Variants in LRIT3 observed in about 807,000 individuals in gnomAD.
The protein encoded by LRIT3 is leucine-rich repeat, immunoglobulin-like domain and transmembrane domain-containing protein 3.
A neutral mutation model predicts 22.6 loss-of-function variants in LRIT3; 14 were observed. The ratio of observed to expected loss-of-function variants is 0.62; its 90% CI spans 0.41 to 0.97. The LOEUF (loss-of-function observed/expected upper bound fraction) is 0.97, where lower values mean the gene tolerates loss of function less well. Among genes scored for constraint, LRIT3 ranks in the 50% least tolerant of loss-of-function variants. LRIT3 has a pLI of 0.00. For missense variants in LRIT3, 783 were observed against 803.0 expected (o/e 0.98, Z 0.30); for synonymous variants, 306 against 304.5 (o/e 1.01, Z -0.05).
intron 2 of LRIT3, among the ~76,000 whole-genome samples, chr4:109,864,335 G>A (rs1734627247): frequency 6.6e-6 from 1 of 152,002 alleles, no homozygotes; most frequent in Non-Finnish European, 1.5e-5. Flanking sequence ...TGCCCTAGAG[G>A]ACACTTGCCA....
chr4:109,870,235 A>T lies in LRIT3; in HGVS notation c.1486A>T (p.Thr496Ser). 1 of 1,614,228 alleles carries T rather than the reference A, an allele frequency of 6.2e-7. No individual in the cohort carries two copies. Among genetic ancestry groups the T allele is most frequent in the East Asian group, 2.2e-5 (1 of 44,882 alleles). The change falls in exon 4 of 4, where the codon ACT (threonine) becomes TCT (serine). Residue 496 changes from threonine to serine, a missense_variant. Physicochemically the swap from Thr to Ser is moderately conservative, Grantham distance 58. Coordinates refer to ENST00000594814, the MANE Select transcript of LRIT3 (RefSeq NM_198506.5). ...AGAAAACCTCAGGGTGGTCAGTGAGACTAAAGAGAGTGTGACATTGACGTG... is the reference window on the plus strand; with the variant it reads ...AGAAAACCTCAGGGTGGTCAGTGAGTCTAAAGAGAGTGTGACATTGACGTG... The part of the protein sequence containing the change: ...AIENLRVVSE[T>S]KESVTLTWNM...
In LRIT3 at chr4:109,870,425, T is replaced by C. The variant is rs149836249; in HGVS notation, c.1676T>C (p.Val559Ala). The change falls in exon 4 of 4, where the codon GTG becomes GCG. Residue 559 changes from valine to alanine, a missense_variant. Physicochemically the swap from Val to Ala is moderately conservative, Grantham distance 64. Coordinates refer to ENST00000594814, the MANE Select transcript of LRIT3 (RefSeq NM_198506.5). ...ATGGCCTGTGTCTGTCCAAAAGGAG[T>C]GCCTCCCCAGAAAGACCAATGCATC... ...QYMACVCPKG[V>A]PPQKDQCITF... is the part of the protein sequence containing the mutation. 260 of 1,613,876 alleles carry C rather than the reference T, an allele frequency of 1.6e-4. 1 individual carries two copies. Among genetic ancestry groups the C allele is most frequent in the Non-Finnish European group, 6.4e-5 (75 of 1,180,008 alleles).
chr4:109,871,944 G>C lies in LRIT3; in HGVS notation c.*1155G>C, dbSNP rs1214674799. 6.6e-6 allele frequency: 1 copy of C among 152,170 alleles called. No homozygotes were observed. The highest frequency in any genetic ancestry group is 1.5e-5 in the Non-Finnish European group (1 of 68,032). The allele number at this position is 152,170 out of a possible 1,614,324, so 9.4% of individuals were successfully genotyped here. A position where few individuals can be genotyped will look rare whatever the true frequency, so the allele number is the denominator to read the frequency against. On this transcript the variant is annotated 3_prime_UTR_variant, in exon 4 of 4. Transcript: ENST00000594814. ...AACATCTCATGGCTTTAAGATTAAC[G>C]ATAGCGATAAGGCCCACTCAAGCAT... is the stretch of plus-strand genomic sequence containing the variant.
intron 3 of LRIT3, among the ~76,000 whole-genome samples, chr4:109,869,193 A>G (rs1271796903): frequency 6.6e-6 from 1 of 152,128 alleles, no homozygotes; most frequent in Non-Finnish European, 1.5e-5. Context: ...ATGAAAACAT[A>G]TAATAAGAAA....
Position 109,867,917 on chromosome 4 carries a change from G to T in LRIT3, c.866G>T (p.Arg289Ile). The T allele has an allele frequency of 6.2e-7, 1 of 1,611,694 alleles. No homozygotes were observed. The highest frequency in any genetic ancestry group is 8.5e-7 in the Non-Finnish European group (1 of 1,178,504). The change falls in exon 3 of 4, where the codon AGA becomes ATA. Residue 289 changes from arginine (R) to isoleucine (I), a missense_variant. Coordinates refer to ENST00000594814, the MANE Select transcript of LRIT3 (RefSeq NM_198506.5). ...CCCACCCCACAGATCACATGGACCA[G>T]ATCTGACAGCTCGCCAGTTAATTAT... ...GFPTPQITWT[R>I]SDSSPVNYTV...
Position 109,870,502 on chromosome 4 carries a change from C to T in LRIT3, c.1753C>T (p.Leu585Phe), listed in dbSNP as rs779516206. ...AGATGATTCTCAATGGTCTCTCCTT[C>T]TCGTGGTGACCAGTACTGCCTGTGT... ...EGDDSQWSLL[L>F]VVTSTACVVI... is the part of the protein sequence containing the mutation. Residue 585 changes from leucine to phenylalanine, a missense_variant, in exon 4 of 4, where the codon CTC becomes TTC. Coordinates refer to ENST00000594814, the MANE Select transcript of LRIT3 (RefSeq NM_198506.5). The T allele has an allele frequency of 6.2e-7, 1 of 1,611,548 alleles. No individual in the cohort carries two copies. The highest frequency in any genetic ancestry group is 8.5e-7 in the Non-Finnish European group (1 of 1,178,122).
At position 109,871,794 on chromosome 4, in the gene LRIT3, T is replaced by A. The variant is rs1388331721; in HGVS notation, c.*1005T>A. 2 of 152,242 alleles carry A rather than the reference T, an allele frequency of 1.3e-5. No homozygotes were observed. The highest frequency in any genetic ancestry group is 2.9e-5 in the Non-Finnish European group (2 of 68,038). 9.4% of individuals were successfully genotyped at this position (152,242 alleles called of 1,614,324 possible). Reference sequence around the variant, plus strand: ...TAAAAGGGAAGCTTCAGTGGATTCATTTGGTTAGATTCTTTTCCTAGGTTA... The same window carrying A: ...TAAAAGGGAAGCTTCAGTGGATTCAATTGGTTAGATTCTTTTCCTAGGTTA... On this transcript the variant is annotated 3_prime_UTR_variant, in exon 4 of 4. Coordinates refer to ENST00000594814, the MANE Select transcript of LRIT3 (RefSeq NM_198506.5).
chr4:109,869,948 C>G lies in LRIT3; in HGVS notation c.1199C>G (p.Ser400Cys), dbSNP rs1413052585. ...SFSPTSSFSA[S>C]TLSPPSTASF... ...TCCCCCACATCTTCTTTTTCTGCTT[C>G]TACTTTGTCTCCTCCCTCTACTGCT... The change falls in exon 4 of 4, where the codon TCT (serine) becomes TGT (cysteine). Residue 400 changes from serine (S) to cysteine (C), a missense_variant. Coordinates refer to ENST00000594814, the MANE Select transcript of LRIT3 (RefSeq NM_198506.5). 6.2e-7 allele frequency: 1 copy of G among 1,614,016 alleles called. No homozygotes were observed. The highest frequency in any genetic ancestry group is 8.5e-7 in the Non-Finnish European group (1 of 1,180,010).
intron 2 of LRIT3, among the ~76,000 whole-genome samples, chr4:109,860,917 G>T (rs775222057): frequency 6.6e-6 from 1 of 152,214 alleles, no homozygotes; most frequent in Non-Finnish European, 1.5e-5. Flanking sequence ...TGAAGCAATT[G>T]TTCATCCTTT....
At chr4:109,850,422 CCTTTCTTTCTTTCTTT>C (rs1251866042) in intron 1 of LRIT3, among the ~76,000 whole-genome samples, 2 of 55,088 alleles carry the variant, frequency 3.6e-5, no homozygotes, top group African/African-American at 7.6e-5. Flanking sequence ...TTCCTTCCTT[CCTTTCTTTCTTTCTTT>C]CTTTCTTTCT....
At chr4:109,850,405 TCCTTCCTTC>T (rs1433744485) in intron 1 of LRIT3, among the ~76,000 whole-genome samples, 8 of 4,198 alleles carry the variant, frequency 1.9e-3, no homozygotes, top group South Asian at 8.6e-3. Flanking sequence ...CTTCCTTCCT[TCCTTCCTTC>T]CTTCCTTCCT....
intron 2 of LRIT3, among the ~76,000 whole-genome samples, chr4:109,857,274 G>A (rs1258164836): frequency 6.6e-5 from 10 of 151,364 alleles, no homozygotes; most frequent in South Asian, 4.2e-4. Context: ...GTGAATGTGG[G>A]GTGGGGGGAA....
At chr4:109,857,038 C>A (rs1432381010) in intron 2 of LRIT3, among the ~76,000 whole-genome samples, 1 of 152,128 alleles carries the variant, frequency 6.6e-6, no homozygotes, top group Non-Finnish European at 1.5e-5. Flanking sequence ...AGGGAGCCAA[C>A]TACCTTCTCT....
At chr4:109,857,700 G>T (rs926058022) in intron 2 of LRIT3, among the ~76,000 whole-genome samples, 1 of 152,192 alleles carries the variant, frequency 6.6e-6, no homozygotes, top group Admixed American at 6.5e-5. Flanking sequence ...GACAATCTCT[G>T]TGGCCTTGAG....
chr4:109,851,329 C>A, intron 1 of LRIT3, 175 bp from the exon 2 acceptor site: 2 of 827,944 alleles, frequency 2.4e-6, no homozygotes, highest in Non-Finnish European at 1.8e-6. Flanking sequence ...AGGTGGCAAA[C>A]CTTAGACCTT....
intron 2 of LRIT3, among the ~76,000 whole-genome samples, chr4:109,854,712 G>A (rs1353640138): frequency 2.6e-5 from 4 of 151,952 alleles, no homozygotes; most frequent in Admixed American, 1.3e-4. Flanking sequence ...TGGGTTTGTC[G>A]TAAATAGCTC....
At chr4:109,868,084 G>T in intron 3 of LRIT3, 138 bp downstream of exon 3, 2 of 898,360 alleles carry the variant, frequency 2.2e-6, no homozygotes, top group Non-Finnish European at 3.3e-6. Context: ...GATTTTAAAG[G>T]TACATTTTAT....
chr4:109,864,039 A>G (rs1734618626), intron 2 of LRIT3, among the ~76,000 whole-genome samples: 1 of 152,222 alleles, frequency 6.6e-6, no homozygotes, highest in Non-Finnish European at 1.5e-5. Flanking sequence ...ATATTATATA[A>G]CTGAATAAAT....
Position 109,850,419 on chromosome 4 carries a change from CTTCCTTTCT to C in LRIT3, c.117-1081_117-1073del, listed in dbSNP as rs1560588964. On this transcript the variant is annotated intron_variant, in intron 1 of 3. Transcript: ENST00000594814. ...CCTTCCTTCCTTCCTTCCTTCCTTC[CTTCCTTTCT>C]TTCTTTCTTTCTTTCTTTCTTTCTT... Among the ~76,000 whole-genome samples, 166 of 16,688 alleles carry C rather than the reference CTTCCTTTCT, an allele frequency of 9.9e-3. 15 individuals are homozygous for C. The highest frequency in any genetic ancestry group is 0.023 in the African/African-American group (96 of 4,148). 10.9% of individuals were successfully genotyped at this position (16,688 alleles called of 152,430 possible).
Sources: gnomAD v4.1 joint callset for allele counts (sites outside exome capture counted in the v4.1 genomes callset) on GRCh38, gnomAD v4.1.1 for gene constraint, MANE v1.5 for transcripts, NCBI Gene and HGNC (gene_info 2026-07-23, HGNC 2026-07-21) for gene names.